The following ZFHX3 variants were observed in gnomAD, a reference collection of about 807,000 sequenced individuals.
ZFHX3 encodes the protein zinc finger homeobox 3.
ZFHX3 carries 42 observed loss-of-function variants against 279.1 expected under a neutral mutation model. The ratio of observed to expected loss-of-function variants is 0.15; its 90% confidence interval spans 0.12 to 0.19. The LOEUF is 0.19. ZFHX3 is among the 10% of genes least tolerant of loss of function. ZFHX3 has a pLI of 1.00. For synonymous variants in ZFHX3, 2,293 were observed against 1,957.8 expected (o/e 1.17, Z -4.52); for missense variants, 4,981 against 4,754.0 (o/e 1.05, Z -1.40).
intron 3 of ZFHX3, among the ~76,000 whole-genome samples, chr16:73,333,250 C>A: frequency 6.6e-6 from 1 of 151,854 alleles, no homozygotes; most frequent in East Asian, 1.9e-4. Context: ...TATAGATACC[C>A]AGACACAGAT....
chr16:73,624,034 C>T (rs2380344), intron 2 of ZFHX3, among the ~76,000 whole-genome samples: 2,979 of 152,264 alleles, frequency 0.02, 103 homozygotes, highest in African/African-American at 0.069. Flanking sequence ...TTAGTTGCAT[C>T]CGTCCAACCA....
At chr16:73,242,973 A>C (rs528960244) in intron 5 of ZFHX3, among the ~76,000 whole-genome samples, 54 of 152,356 alleles carry the variant, frequency 3.5e-4, no homozygotes, top group Non-Finnish European at 1.2e-4. Flanking sequence ...TGGCAATAGC[A>C]AGACAAATCA....
chr16:73,182,004 T>C (rs1376460643), intron 5 of ZFHX3, among the ~76,000 whole-genome samples: 2 of 152,132 alleles, frequency 1.3e-5, no homozygotes, highest in East Asian at 3.9e-4. Flanking sequence ...AGCACTCTTC[T>C]CTAATTGTTC....
intron 1 of ZFHX3, among the ~76,000 whole-genome samples, chr16:73,018,877 G>T (rs1225759839): frequency 1.3e-5 from 2 of 152,104 alleles, no homozygotes; most frequent in Non-Finnish European, 2.9e-5. Context: ...AACCCAGAAA[G>T]AACTCACTAC....
In ZFHX3 at chr16:72,958,189, G is replaced by A. The variant is rs759068842; in HGVS notation, c.1957C>T (p.Arg653Cys). 4.6e-5 allele frequency: 75 copies of A among 1,613,256 alleles called. No homozygotes were observed. Among genetic ancestry groups the A allele is most frequent in the Admixed American group, 1.2e-4 (7 of 59,996 alleles). ...ATGGTCATGTGGCCGCCCAGCGAGC[G>A]GGAGGAGCCCAGGACCGTGTCGCAT... ...PKCDTVLGSS[R>C]SLGGHMTMMH... Residue 653 changes from arginine to cysteine, a missense_variant, in exon 2 of 10, where the codon CGC becomes TGC. Transcript: ENST00000268489.
At chr16:73,085,985 C>CAAAAAAAAAAAAAAAAAA (rs57128744) in intron 8 of ZFHX3, among the ~76,000 whole-genome samples, 2 of 54,214 alleles carry the variant, frequency 3.7e-5, no homozygotes, top group African/African-American at 6.1e-5. Context: ...AACTCAATTG[C>CAAAAAAAAAAAAAAAAAA]AAAAAAAAAA....
At chr16:73,469,315 C>G (rs1037534404) in intron 2 of ZFHX3, among the ~76,000 whole-genome samples, 1 of 152,078 alleles carries the variant, frequency 6.6e-6, no homozygotes, top group Non-Finnish European at 1.5e-5. Context: ...AACATAGAGC[C>G]AAGAAGGGCC....
intron 2 of ZFHX3, among the ~76,000 whole-genome samples, chr16:73,497,452 T>C (rs1240738909): frequency 6.6e-6 from 1 of 152,200 alleles, no homozygotes. Flanking sequence ...GAGGACTGCT[T>C]GAGCCCAGGA....
intron 1 of ZFHX3, among the ~76,000 whole-genome samples, chr16:73,774,005 ACATGT>A (rs2054049280): frequency 6.6e-6 from 1 of 152,190 alleles, no homozygotes; most frequent in South Asian, 2.1e-4. Flanking sequence ...AGGCACGGTG[ACATGT>A]GCTTGTAGTC....
At chr16:72,976,570 A>G (rs118052560) in intron 1 of ZFHX3, among the ~76,000 whole-genome samples, 1,683 of 152,318 alleles carry the variant, frequency 0.011, 36 homozygotes, top group East Asian at 0.098. Context: ...GCGTCCAGGC[A>G]GGCAAAGGAA....
At chr16:73,671,913 A>G (rs1393277935) in intron 2 of ZFHX3, among the ~76,000 whole-genome samples, 1 of 152,088 alleles carries the variant, frequency 6.6e-6, no homozygotes, top group Non-Finnish European at 1.5e-5. Context: ...TAGAAAAAGC[A>G]TGTCTCACTT....
chr16:73,512,065 G>A (rs72801425), intron 2 of ZFHX3, among the ~76,000 whole-genome samples: 1 of 151,964 alleles, frequency 6.6e-6, no homozygotes, highest in Non-Finnish European at 1.5e-5. Flanking sequence ...ATAAGTGTCT[G>A]CCCTGGGAAT....
intron 8 of ZFHX3, among the ~76,000 whole-genome samples, chr16:73,066,770 G>C (rs1567656225): frequency 6.6e-6 from 1 of 152,192 alleles, no homozygotes; most frequent in African/African-American, 2.4e-5. Flanking sequence ...CTGCCTCCCC[G>C]TCACCCTAAC....
At chr16:73,119,434 G>A (rs1254173077) in intron 7 of ZFHX3, among the ~76,000 whole-genome samples, 3 of 152,138 alleles carry the variant, frequency 2.0e-5, no homozygotes, top group Non-Finnish European at 4.4e-5. Context: ...ATGGGGCTCC[G>A]CACTAAACTG....
chr16:72,993,959 T>G (rs372593081), intron 1 of ZFHX3, among the ~76,000 whole-genome samples: 51 of 152,192 alleles, frequency 3.4e-4, no homozygotes, highest in African/African-American at 1.2e-3. Context: ...TAATTCACCC[T>G]CCATTTCCTT....
intron 1 of ZFHX3, among the ~76,000 whole-genome samples, chr16:73,046,150 A>C (rs1338545929): frequency 6.6e-6 from 1 of 152,186 alleles, no homozygotes; most frequent in Non-Finnish European, 1.5e-5. Context: ...GGTCTCTGCA[A>C]AACAGAATGA....
chr16:73,270,295 G>T (rs185116309), intron 4 of ZFHX3, among the ~76,000 whole-genome samples: 15 of 152,134 alleles, frequency 9.9e-5, no homozygotes, highest in Admixed American at 5.2e-4. Context: ...TTGAAGACAG[G>T]TCTCATGCAA....
chr16:73,881,433 TCA>T (rs10538063), intron 1 of ZFHX3, among the ~76,000 whole-genome samples: 6,309 of 100,034 alleles, frequency 0.063, 362 homozygotes, highest in Middle Eastern at 0.17. Context: ...ATGATCACAC[TCA>T]CACACACACA....
chr16:73,281,383 T>C (rs2014454522), intron 4 of ZFHX3, among the ~76,000 whole-genome samples: 1 of 152,098 alleles, frequency 6.6e-6, no homozygotes, highest in Admixed American at 6.5e-5. Flanking sequence ...CTGACACAGA[T>C]AGACAAATAT....
Sources: allele counts gnomAD v4.1 joint callset (sites outside exome capture counted in the v4.1 genomes callset), GRCh38; gene constraint gnomAD v4.1.1; transcripts MANE v1.5; gene names NCBI Gene and HGNC (gene_info 2026-07-23, HGNC 2026-07-21).